ADAT1: variants seen among roughly 807,000 people sequenced by gnomAD.
ADAT1 encodes the protein adenosine deaminase tRNA specific 1.
Under a neutral mutation model 58.6 loss-of-function variants are expected in ADAT1, and 58 were observed. The ratio of observed to expected loss-of-function variants is 0.99; its 90% CI spans 0.80 to 1.23. The LOEUF is 1.23. ADAT1 is among the 50% of genes most tolerant of loss of function. The pLI is 0.00. For missense variants in ADAT1, 741 were observed against 608.6 expected (o/e 1.22, Z -2.29); for synonymous variants, 254 against 220.8 (o/e 1.15, Z -1.33).
intron 6 of ADAT1, 100 bp downstream of exon 6, chr16:75,612,143 G>A: frequency 7.7e-7 from 1 of 1,296,076 alleles, no homozygotes; most frequent in Non-Finnish European, 1.1e-6. Flanking sequence ...AAGTGGAACT[G>A]CTGGATCAAA....
chr16:75,600,126 A>C lies in ADAT1; in HGVS notation c.*90T>G. On this transcript the variant is annotated 3_prime_UTR_variant, in exon 10 of 10. Transcript: ENST00000564657. ...CAAAGCTCAGAAAGAATGTTCCCTG[A>C]TTTAACTACCAAAAAAGCTAAGACT... 6.4e-7 allele frequency: 1 copy of C among 1,560,130 alleles called. No individual in the cohort carries two copies. Among genetic ancestry groups the C allele is most frequent in the Non-Finnish European group, 8.7e-7 (1 of 1,151,450 alleles).
chr16:75,608,253 T>G lies in ADAT1; in HGVS notation c.1260A>C (p.Thr420=), dbSNP rs574116567. 1 of 1,614,106 alleles carries G rather than the reference T, an allele frequency of 6.2e-7. No homozygotes were observed. Among genetic ancestry groups the G allele is most frequent in the South Asian group, 1.1e-5 (1 of 91,076 alleles). Residue 420 remains threonine, a synonymous_variant, in exon 8 of 10, where the codon ACA becomes ACC. Transcript: ENST00000564657. The part of the protein sequence containing the change: ...VTANGFPQGT[T]KKTIGSLQAR... Reference sequence around the variant, plus strand: ...CCTGAAGGCTTCCAATTGTTTTCTTTGTTGTTCCCTGTGGAAAGCCATTGG... The same window carrying G: ...CCTGAAGGCTTCCAATTGTTTTCTTGGTTGTTCCCTGTGGAAAGCCATTGG...
At chr16:75,604,487 AC>A in intron 8 of ADAT1, among the ~76,000 whole-genome samples, 2 of 129,970 alleles carry the variant, frequency 1.5e-5, no homozygotes, top group Admixed American at 7.9e-5. Flanking sequence ...ACACACACAC[AC>A]ACACACACAC....
At chr16:75,611,293 T>A (rs2081525016) in intron 6 of ADAT1, among the ~76,000 whole-genome samples, 2 of 152,184 alleles carry the variant, frequency 1.3e-5, no homozygotes, top group African/African-American at 4.8e-5. Flanking sequence ...TCTTATAATT[T>A]TTCTTATGTG....
At chr16:75,617,421 C>T in intron 4 of ADAT1, 149 bp from the exon 5 acceptor site, 1 of 842,436 alleles carries the variant, frequency 1.2e-6, no homozygotes, top group African/African-American at 1.7e-5. Context: ...ACCAGTGATT[C>T]TCAAAGTGTG....
At chr16:75,614,831 G>C (rs1410057472) in intron 5 of ADAT1, among the ~76,000 whole-genome samples, 1 of 152,138 alleles carries the variant, frequency 6.6e-6, no homozygotes, top group Non-Finnish European at 1.5e-5. Context: ...ACCATGGGAG[G>C]ACATCACATT....
intron 8 of ADAT1, among the ~76,000 whole-genome samples, chr16:75,606,587 C>A (rs2081378784): frequency 6.6e-6 from 1 of 152,190 alleles, no homozygotes; most frequent in Non-Finnish European, 1.5e-5. Flanking sequence ...TGACACTGAT[C>A]TGTCAGCCAT....
intron 6 of ADAT1, among the ~76,000 whole-genome samples, chr16:75,611,692 A>G (rs1231907194): frequency 6.6e-6 from 1 of 151,804 alleles, no homozygotes; most frequent in African/African-American, 2.4e-5. Flanking sequence ...ATTCATCAAT[A>G]CTATTTTTAA....
intron 8 of ADAT1, among the ~76,000 whole-genome samples, chr16:75,605,876 GC>G (rs2081354527): frequency 6.8e-6 from 1 of 147,466 alleles, no homozygotes; most frequent in African/African-American, 2.5e-5. Flanking sequence ...GGCAGAGGTT[GC>G]AGTGAGCCAA....
chr16:75,608,925 T>C lies in ADAT1; in HGVS notation c.1107A>G (p.Ser369=), dbSNP rs570450391. 14 of 1,614,126 alleles carry C rather than the reference T, an allele frequency of 8.7e-6. No homozygotes were observed. Among genetic ancestry groups the C allele is most frequent in the Non-Finnish European group, 1.2e-5 (14 of 1,180,044 alleles). Residue 369 remains serine (S), a synonymous_variant, in exon 7 of 10, where the codon TCA becomes TCG. Transcript: ENST00000564657. ...TGCGGCTCTGTTCAAATAGTAAATCTGACTGCAGTATTTTTAATTCTTGAA... is the reference window on the plus strand; with the variant it reads ...TGCGGCTCTGTTCAAATAGTAAATCCGACTGCAGTATTTTTAATTCTTGAA... ...FGVQELKILQ[S]DLLFEQSRSA...
chr16:75,597,724 A>T lies in ADAT1; in HGVS notation c.*2492T>A, dbSNP rs1023216162. On this transcript the variant is annotated 3_prime_UTR_variant, in exon 10 of 10. Transcript: ENST00000564657. ...TGGGGGTTATGGAAGACACTGACAG[A>T]TCATCAGGCATTATATTCTCATAAG... 6.6e-6 allele frequency among the ~76,000 whole-genome samples: 1 copy of T among 152,220 alleles called. No individual in the cohort carries two copies. The highest frequency in any genetic ancestry group is 2.4e-5 in the African/African-American group (1 of 41,462).
At position 75,608,880 on chromosome 16, in the gene ADAT1, C is replaced by T; in HGVS notation, c.1152G>A (p.Arg384=). ...GAACAAGTCGACCTGGGCTATCAGC[C>T]CTTTTTGCCTGCACCGCACTGCGGC... is the stretch of plus-strand genomic sequence containing the variant. ...EQSRSAVQAK[R]ADSPGRLVPC... is the part of the protein sequence containing the mutation. The change falls in exon 7 of 10, where the codon AGG becomes AGA. Residue 384 remains arginine, a synonymous_variant. Transcript: ENST00000564657. The T allele has an allele frequency of 6.2e-6, 10 of 1,614,134 alleles. No individual in the cohort carries two copies. The highest frequency in any genetic ancestry group is 1.7e-5 in the Admixed American group (1 of 59,990).
Position 75,599,546 on chromosome 16 carries a change from C to T in ADAT1, c.*670G>A. ...GGCTGTTTCCTTTGTTGCCTTCATT[C>T]TTTGCTGGCTTTCTCTAGGTAGTAG... On this transcript the variant is annotated 3_prime_UTR_variant, in exon 10 of 10. Transcript: ENST00000564657. The T allele has an allele frequency of 2.0e-6, 2 of 985,892 alleles. No homozygotes were observed. Among genetic ancestry groups the T allele is most frequent in the Non-Finnish European group, 2.4e-6 (2 of 829,976 alleles). The allele number at this position is 985,892 out of a possible 1,614,324, so 61.1% of individuals were successfully genotyped here. A position where few individuals can be genotyped will look rare whatever the true frequency, so the allele number is the denominator to read the frequency against.
In ADAT1 at chr16:75,603,115, A is replaced by G; in HGVS notation, c.1346T>C (p.Ile449Thr). 6.2e-7 allele frequency: 1 copy of G among 1,614,114 alleles called. No individual in the cohort carries two copies. Residue 449 changes from isoleucine (I) to threonine (T), a missense_variant, in exon 9 of 10, where the codon ATT (isoleucine) becomes ACT (threonine). Coordinates refer to ENST00000564657, the MANE Select transcript of ADAT1 (RefSeq NM_001324445.2). ...FRSFQKLLSR[I>T]ARDKWPHSLR... ...GGAGTGTGGCCACTTGTCCCTTGCA[A>G]TTCTGCTTAGCAGCTTCTGGAATGA...
intron 8 of ADAT1, among the ~76,000 whole-genome samples, chr16:75,604,453 AAAAATATAT>A (rs2081309947): frequency 1.3e-5 from 1 of 76,098 alleles, no homozygotes; most frequent in Admixed American, 2.1e-4. Flanking sequence ...AAAAAAAAAA[AAAAATATAT>A]ATATATATAT....
At position 75,598,109 on chromosome 16, in the gene ADAT1, C is replaced by G. The variant is rs1181285754; in HGVS notation, c.*2107G>C. The stretch of plus-strand genomic sequence containing the variant: ...TCTTATTTTTTGAGATGGAGTCTTG[C>G]TCTGTCACCCAGGCTAGAGTGCAGT... On this transcript the variant is annotated 3_prime_UTR_variant, in exon 10 of 10. Transcript: ENST00000564657. 6.1e-6 allele frequency: 1 copy of G among 163,506 alleles called. No individual in the cohort carries two copies. Among genetic ancestry groups the G allele is most frequent in the African/African-American group, 2.4e-5 (1 of 41,524 alleles). The allele number at this position is 163,506 out of a possible 1,614,324, so 10.1% of individuals were successfully genotyped here.
At chr16:75,614,082 C>T (rs556877691) in intron 5 of ADAT1, among the ~76,000 whole-genome samples, 51 of 151,994 alleles carry the variant, frequency 3.4e-4, no homozygotes, top group Middle Eastern at 6.8e-3. Flanking sequence ...CCCAGCTACT[C>T]GGGAGGCTAA....
chr16:75,600,518 T>C (rs2081198331), intron 9 of ADAT1, among the ~76,000 whole-genome samples, 170 bp from the exon 10 acceptor site: 1 of 152,214 alleles, frequency 6.6e-6, no homozygotes, highest in African/African-American at 2.4e-5. Context: ...ATTCTTGTCA[T>C]ACTCAACTGA....
At chr16:75,606,200 C>A (rs2081367857) in intron 8 of ADAT1, among the ~76,000 whole-genome samples, 1 of 151,852 alleles carries the variant, frequency 6.6e-6, no homozygotes. Flanking sequence ...TATCTAGCAA[C>A]CAACAGTAAT....
Sources: gnomAD v4.1 joint callset for allele counts (sites outside exome capture counted in the v4.1 genomes callset) on GRCh38, gnomAD v4.1.1 for gene constraint, MANE v1.5 for transcripts, NCBI Gene and HGNC (gene_info 2026-07-23, HGNC 2026-07-21) for gene names.